The following CCDC7 variants were observed in gnomAD, a reference collection of about 807,000 sequenced individuals.
The protein encoded by CCDC7 is coiled-coil domain-containing protein 7.
CCDC7 carries 183 observed loss-of-function variants against 196.9 expected under a neutral mutation model. That is an observed-to-expected ratio of 0.93 (90% CI 0.82 to 1.05). CCDC7 has a LOEUF of 1.05. CCDC7 is among the 50% of genes least tolerant of loss of function. The pLI, the probability that CCDC7 is intolerant of heterozygous loss-of-function variation, is 0.00. For synonymous variants in CCDC7, 525 were observed against 484.6 expected, an observed-to-expected ratio of 1.08 and a Z score of -1.10; for missense variants, 1,540 against 1,482.2, an observed-to-expected ratio of 1.04 and a Z score of -0.64.
At chr10:32,487,000 G>T (rs536716985) in intron 8 of CCDC7, among the ~76,000 whole-genome samples, 2 of 152,136 alleles carry the variant, frequency 1.3e-5, no homozygotes, top group Admixed American at 1.3e-4. Flanking sequence ...GAATGTCTTT[G>T]TGGTGTTCTC....
At chr10:32,820,177 CAGAA>C (rs1008660263) in intron 31 of CCDC7, among the ~76,000 whole-genome samples, 4 of 152,072 alleles carry the variant, frequency 2.6e-5, no homozygotes, top group African/African-American at 9.7e-5. Flanking sequence ...CAATAACAGA[CAGAA>C]AGCCAAATCA....
At chr10:32,732,662 A>C (rs572640541) in intron 28 of CCDC7, among the ~76,000 whole-genome samples, 6 of 152,204 alleles carry the variant, frequency 3.9e-5, no homozygotes, top group East Asian at 1.9e-4. Context: ...TTTATGATGG[A>C]CATTTTTTAA....
intron 41 of CCDC7, among the ~76,000 whole-genome samples, chr10:32,862,792 C>T (rs1054750159): frequency 6.6e-6 from 1 of 152,036 alleles, no homozygotes; most frequent in Non-Finnish European, 1.5e-5. Flanking sequence ...CTAAAGACTA[C>T]ATTACTTAAG....
intron 28 of CCDC7, among the ~76,000 whole-genome samples, chr10:32,766,882 A>C (rs2078396263): frequency 6.6e-6 from 1 of 152,058 alleles, no homozygotes; most frequent in African/African-American, 2.4e-5. Context: ...CCTTTCAGCA[A>C]TATGAGGTTA....
At chr10:32,704,787 T>C (rs1408293171) in intron 24 of CCDC7, among the ~76,000 whole-genome samples, 1 of 152,144 alleles carries the variant, frequency 6.6e-6, no homozygotes, top group Non-Finnish European at 1.5e-5. Context: ...TGACGCTCCG[T>C]CAGTCAGTGT....
chr10:32,768,673 AT>A (rs1339306880), intron 28 of CCDC7, among the ~76,000 whole-genome samples: 1 of 151,936 alleles, frequency 6.6e-6, no homozygotes, highest in Non-Finnish European at 1.5e-5. Flanking sequence ...GGCCTTTATT[AT>A]TTTGAGGTAT....
intron 20 of CCDC7, among the ~76,000 whole-genome samples, chr10:32,639,784 A>C (rs892774637): frequency 6.6e-6 from 1 of 152,016 alleles, no homozygotes; most frequent in African/African-American, 2.4e-5. Context: ...GCCCGCCAGC[A>C]CTGCCGGCTA....
chr10:32,863,217 A>G (rs2094072583), intron 41 of CCDC7, among the ~76,000 whole-genome samples: 1 of 152,156 alleles, frequency 6.6e-6, no homozygotes. Context: ...AAAGGTAAAA[A>G]CAATTGGAGG....
At chr10:32,850,106 G>T (rs533671793) in intron 39 of CCDC7, among the ~76,000 whole-genome samples, 22 of 152,270 alleles carry the variant, frequency 1.4e-4, no homozygotes, top group African/African-American at 5.1e-4. Context: ...CACAGAAACT[G>T]AAAAGAGACA....
At chr10:32,587,566 G>C (rs1481564148) in intron 18 of CCDC7, among the ~76,000 whole-genome samples, 1 of 152,178 alleles carries the variant, frequency 6.6e-6, no homozygotes, top group African/African-American at 2.4e-5. Context: ...TAAGTTTCTA[G>C]TATATGAACT....
intron 28 of CCDC7, among the ~76,000 whole-genome samples, chr10:32,750,298 A>C (rs533005348): frequency 1.3e-5 from 2 of 152,202 alleles, no homozygotes; most frequent in Admixed American, 6.5e-5. Context: ...GTTGGAAAAG[A>C]GATAGCACAA....
At chr10:32,689,825 C>T (rs2076877008) in intron 23 of CCDC7, among the ~76,000 whole-genome samples, 1 of 152,014 alleles carries the variant, frequency 6.6e-6, no homozygotes, top group African/African-American at 2.4e-5. Flanking sequence ...ACCTCCGCCT[C>T]CCGGGCTCAA....
chr10:32,704,149 C>A (rs928271440), intron 24 of CCDC7, among the ~76,000 whole-genome samples: 9 of 151,980 alleles, frequency 5.9e-5, no homozygotes, highest in Non-Finnish European at 8.8e-5. Flanking sequence ...TGTTATCTAC[C>A]TTTGGTATTT....
chr10:32,828,490 A>AG (rs1252384411), intron 32 of CCDC7, among the ~76,000 whole-genome samples: 1 of 76,830 alleles, frequency 1.3e-5, no homozygotes, highest in African/African-American at 5.4e-5. Flanking sequence ...GAAGAGGAAG[A>AG]AGAAGAAGAA....
At chr10:32,711,836 A>C in intron 25 of CCDC7, 106 bp downstream of exon 26, 1 of 552,116 alleles carries the variant, frequency 1.8e-6, no homozygotes, top group Non-Finnish European at 3.1e-6. Flanking sequence ...TTTTATTGAT[A>C]ATTTATACTC....
intron 32 of CCDC7, 22 bp from the exon 34 acceptor site, chr10:32,834,793 A>T: frequency 8.4e-7 from 1 of 1,193,110 alleles, no homozygotes; most frequent in Non-Finnish European, 1.2e-6. Flanking sequence ...AAGCGTTTTG[A>T]AAACCTGTTT....
intron 21 of CCDC7, chr10:32,675,818 T>C (rs1181587739): frequency 1.3e-5 from 2 of 152,030 alleles, no homozygotes; most frequent in Non-Finnish European, 2.9e-5. Flanking sequence ...CCCAAGGTAA[T>C]TTATAGATTT....
Position 32,502,011 on chromosome 10 carries a change from C to G in CCDC7, c.872+10014C>G, listed in dbSNP as rs576052161. Among the ~76,000 whole-genome samples, 76 of 152,252 alleles carry G rather than the reference C, an allele frequency of 5.0e-4. No individual in the cohort carries two copies. In the Middle Eastern group the frequency reaches 0.01, roughly 20 times the overall value. ...GCTCCAACCAGTTCGAACTTCCTGG[C>G]GGCTTTGTTTACACTGTAAGGTAAA... is the stretch of plus-strand genomic sequence containing the variant. On this transcript the variant is annotated intron_variant, in intron 9 of 41. Coordinates refer to ENST00000639629, the Ensembl canonical transcript of CCDC7.
chr10:32,850,971 T>C (rs547680060), intron 39 of CCDC7, among the ~76,000 whole-genome samples: 1 of 152,234 alleles, frequency 6.6e-6, no homozygotes, highest in South Asian at 2.1e-4. Flanking sequence ...TATAATTTTC[T>C]CAGTAAAAAC....
Sources: gnomAD v4.1 joint callset for allele counts (sites outside exome capture counted in the v4.1 genomes callset) on GRCh38, gnomAD v4.1.1 for gene constraint, MANE v1.5 for transcripts, NCBI Gene and HGNC (gene_info 2026-07-23, HGNC 2026-07-21) for gene names.